The following KCNQ1OT1 variants were observed in gnomAD, a reference collection of about 807,000 sequenced individuals.
The protein encoded by KCNQ1OT1 is KCNQ1 opposite strand/antisense transcript 1, also known as KCNQ1 antisense RNA 2 (non-protein coding).
exon 1 of KCNQ1OT1, chr11:2,692,245 A>C: frequency 2.5e-6 from 1 of 398,786 alleles, no homozygotes; most frequent in Admixed American, 4.4e-5. Context: ...CCTCAAGCCC[A>C]TCACCAAGCC....
At chr11:2,622,410 T>C in exon 1 of KCNQ1OT1, 1 of 398,394 alleles carries the variant, frequency 2.5e-6, no homozygotes, top group Non-Finnish European at 4.4e-6. Context: ...TCATTTTTCA[T>C]TCTTTCACTT....
At chr11:2,656,681 T>C (rs1849854494) in exon 1 of KCNQ1OT1, 1 of 398,528 alleles carries the variant, frequency 2.5e-6, no homozygotes, top group Middle Eastern at 6.3e-4. Flanking sequence ...GGCACTGTCT[T>C]TTCACTCTTT....
At position 2,677,495 on chromosome 11, in the gene KCNQ1OT1, T is replaced by C. The variant is rs914931984; in HGVS notation, n.22500A>G. ...AACCATGCCATACTTCTACAAAAAA[T>C]GATCCTCTCTGTGGAAGTGCTGCCA... is the stretch of plus-strand genomic sequence containing the variant. On this transcript the variant is annotated non_coding_transcript_exon_variant, in exon 1 of 1. Transcript: ENST00000597346. The surrounding 1 kb of genome is among the most constrained non-coding windows in gnomAD (Gnocchi z 4.5). 11 of 398,410 alleles carry C rather than the reference T, an allele frequency of 2.8e-5. No individual in the cohort carries two copies. The highest frequency in any genetic ancestry group is 4.4e-5 in the Non-Finnish European group (10 of 226,048). 24.7% of individuals were successfully genotyped at this position (398,410 alleles called of 1,614,324 possible). A position where few individuals can be genotyped will look rare whatever the true frequency, so the allele number is the denominator to read the frequency against.
chr11:2,632,946 G>T (rs1849385989), exon 1 of KCNQ1OT1: 3 of 398,438 alleles, frequency 7.5e-6, no homozygotes, highest in Admixed American at 8.8e-5. Context: ...GTAGTGGATT[G>T]TCAAACTGTA....
Position 2,625,849 on chromosome 11 carries a change from G to A in KCNQ1OT1, n.74146C>T, listed in dbSNP as rs138576215. On this transcript the variant is annotated non_coding_transcript_exon_variant, in exon 1 of 1. Coordinates refer to ENST00000597346, the Ensembl canonical transcript of KCNQ1OT1. Reference sequence around the variant, plus strand: ...CTCCCAAAGTACTGGGATTACAGGCGTGAGCCACCGTGCCTGGCCCTTTTG... The same window carrying A: ...CTCCCAAAGTACTGGGATTACAGGCATGAGCCACCGTGCCTGGCCCTTTTG... The A allele has an allele frequency of 1.3e-3, 513 of 398,614 alleles. 1 individual carries two copies. The highest frequency in any genetic ancestry group is 8.7e-3 in the African/African-American group (422 of 48,742). The allele number at this position is 398,614 out of a possible 1,614,324, so 24.7% of individuals were successfully genotyped here.
chr11:2,633,781 G>C, exon 1 of KCNQ1OT1: 1 of 398,456 alleles, frequency 2.5e-6, no homozygotes, highest in Non-Finnish European at 4.4e-6. Context: ...GTATACAAGG[G>C]GGATTGCTTC....
At chr11:2,640,897 A>G (rs1849565750) in exon 1 of KCNQ1OT1, 8 of 399,454 alleles carry the variant, frequency 2.0e-5, no homozygotes, top group Non-Finnish European at 3.1e-5. Context: ...CAACTTTTAT[A>G]GCTCCCACAT....
rs1850516746 is a variant in KCNQ1OT1 at position 2,687,806 on chromosome 11, C to G, written n.12189G>C. ...CACCCCTAAGCCACCCAGCCTGGCC[C>G]CCCTCCTCTGCCCCAACTGGCTCCA... On this transcript the variant is annotated non_coding_transcript_exon_variant, in exon 1 of 1. Transcript: ENST00000597346. The surrounding 1 kb of genome is among the most constrained non-coding windows in gnomAD (Gnocchi z 5.0). The G allele has an allele frequency of 5.0e-6, 2 of 398,648 alleles. No individual in the cohort carries two copies. Among genetic ancestry groups the G allele is most frequent in the Admixed American group, 8.8e-5 (2 of 22,722 alleles). The allele number at this position is 398,648 out of a possible 1,614,324, so 24.7% of individuals were successfully genotyped here.
chr11:2,663,538 G>T lies in KCNQ1OT1; in HGVS notation n.36457C>A, dbSNP rs1198656671. 2 of 398,490 alleles carry T rather than the reference G, an allele frequency of 5.0e-6. No individual in the cohort carries two copies. The allele number at this position is 398,490 out of a possible 1,614,324, so 24.7% of individuals were successfully genotyped here. A position where few individuals can be genotyped will look rare whatever the true frequency, so the allele number is the denominator to read the frequency against. ...CTCTTGGCTGTCCCCTCAGAGAGGGGACTGTCCCTTCTCATCCTTCTGGCT... is the reference window on the plus strand; with the variant it reads ...CTCTTGGCTGTCCCCTCAGAGAGGGTACTGTCCCTTCTCATCCTTCTGGCT... On this transcript the variant is annotated non_coding_transcript_exon_variant, in exon 1 of 1. Transcript: ENST00000597346. This position sits in a 1 kb window ranked among gnomAD's most constrained non-coding sequence, Gnocchi z 5.2.
At chr11:2,650,319 T>C (rs887638673) in exon 1 of KCNQ1OT1, 3 of 398,364 alleles carry the variant, frequency 7.5e-6, no homozygotes, top group Non-Finnish European at 1.3e-5. Context: ...TGTTTTCTTG[T>C]TTTTTTCCCC....
At position 2,661,867 on chromosome 11, in the gene KCNQ1OT1, C is replaced by T; in HGVS notation, n.38128G>A. ...GGAGCTTCCAGGCACAAGCTCCACT[C>T]CTCACCTGGCCCTGGGAGCTCACAG... On this transcript the variant is annotated non_coding_transcript_exon_variant, in exon 1 of 1. Transcript: ENST00000597346. This position sits in a 1 kb window ranked among gnomAD's most constrained non-coding sequence, Gnocchi z 5.9. 5.3e-6 allele frequency: 8 copies of T among 1,515,334 alleles called. No individual in the cohort carries two copies. The highest frequency in any genetic ancestry group is 7.3e-6 in the Non-Finnish European group (8 of 1,092,608). 93.9% of individuals were successfully genotyped at this position (1,515,334 alleles called of 1,614,324 possible).
rs1379977557 is a variant in KCNQ1OT1 at position 2,627,560 on chromosome 11, T to C, written n.72435A>G. On this transcript the variant is annotated non_coding_transcript_exon_variant, in exon 1 of 1. Coordinates refer to ENST00000597346, the Ensembl canonical transcript of KCNQ1OT1. This position sits in a 1 kb window ranked among gnomAD's most constrained non-coding sequence, Gnocchi z 4.9. ...ACTGGGATAGTGCAGTATTTGTCTT[T>C]CTGTGTCTGGCTATTTCACTTAGCA... 1 of 398,614 alleles carries C rather than the reference T, an allele frequency of 2.5e-6. No homozygotes were observed. The highest frequency in any genetic ancestry group is 4.4e-6 in the Non-Finnish European group (1 of 226,072). 24.7% of individuals were successfully genotyped at this position (398,614 alleles called of 1,614,324 possible). A position where few individuals can be genotyped will look rare whatever the true frequency, so the allele number is the denominator to read the frequency against.
chr11:2,655,858 A>G, exon 1 of KCNQ1OT1: 1 of 398,666 alleles, frequency 2.5e-6, no homozygotes, highest in Non-Finnish European at 4.4e-6. Context: ...AATTGGAAAA[A>G]CAAATCTGTG....
rs1590003266 is a variant in KCNQ1OT1, at chr11:2,647,331, G to T, written n.52664C>A. On this transcript the variant is annotated non_coding_transcript_exon_variant, in exon 1 of 1. Transcript: ENST00000597346. This position sits in a 1 kb window ranked among gnomAD's most constrained non-coding sequence, Gnocchi z 4.0. ...TGAATCCCTGGGATAAATCCCACTTGATTATGGTGTATTATCTTTTTGATG... is the reference window on the plus strand; with the variant it reads ...TGAATCCCTGGGATAAATCCCACTTTATTATGGTGTATTATCTTTTTGATG... The T allele has an allele frequency of 2.5e-6, 1 of 398,422 alleles. No homozygotes were observed. The highest frequency in any genetic ancestry group is 3.6e-5 in the East Asian group (1 of 28,052). The allele number at this position is 398,422 out of a possible 1,614,324, so 24.7% of individuals were successfully genotyped here. A position where few individuals can be genotyped will look rare whatever the true frequency, so the allele number is the denominator to read the frequency against.
rs1849224319 is a variant in KCNQ1OT1 at position 2,624,166 on chromosome 11, CGTA to C, written n.75826_75828del. 2 of 398,450 alleles carry C rather than the reference CGTA, an allele frequency of 5.0e-6. No homozygotes were observed. The highest frequency in any genetic ancestry group is 8.8e-6 in the Non-Finnish European group (2 of 226,054). 24.7% of individuals were successfully genotyped at this position (398,450 alleles called of 1,614,324 possible). ...GTTTTAATTTCCATTTCCCTAATGA[CGTA>C]AGATGTGGGGCATCTTTTCATATAC... On this transcript the variant is annotated non_coding_transcript_exon_variant, in exon 1 of 1. Transcript: ENST00000597346. The surrounding 1 kb of genome is among the most constrained non-coding windows in gnomAD (Gnocchi z 4.9).
At chr11:2,616,542 G>A (rs1451777308) in exon 1 of KCNQ1OT1, 17 of 397,670 alleles carry the variant, frequency 4.3e-5, no homozygotes, top group African/African-American at 8.2e-5. Context: ...TTTTTCCTCT[G>A]AGCACTTCTT....
In KCNQ1OT1 at chr11:2,640,898, G is replaced by GCC. The variant is rs199895634; in HGVS notation, n.59096_59097insGG. On this transcript the variant is annotated non_coding_transcript_exon_variant, in exon 1 of 1. Transcript: ENST00000597346. ...TACCTCCATGAGATCAACTTTTATA[G>GCC]CTCCCACATATGATAATAACATAAG... The GCC allele has an allele frequency of 2.5e-3, 986 of 399,304 alleles. 4 individuals are homozygous for GCC. Among genetic ancestry groups the GCC allele is most frequent in the African/African-American group, 0.018 (877 of 48,654 alleles). 24.7% of individuals were successfully genotyped at this position (399,304 alleles called of 1,614,324 possible).
chr11:2,665,748 G>C (rs1590017867), exon 1 of KCNQ1OT1: 1 of 398,530 alleles, frequency 2.5e-6, no homozygotes, highest in East Asian at 3.6e-5. Flanking sequence ...CAAAGCCCCA[G>C]GCATGGAGAA....
chr11:2,610,884 A>C (rs992951938), exon 1 of KCNQ1OT1: 4 of 397,994 alleles, frequency 1.0e-5, no homozygotes, highest in African/African-American at 8.2e-5. Context: ...CTCACCTCCC[A>C]CCATTTCATC....
Sources: allele counts gnomAD v4.1 joint callset, GRCh38; gene constraint gnomAD v4.1.1; non-coding constraint Gnocchi (gnomAD v3.1); transcripts MANE v1.5; gene names NCBI Gene and HGNC (gene_info 2026-07-23, HGNC 2026-07-21).